MARCHF3: variants seen among roughly 807,000 people sequenced by gnomAD.
The protein encoded by MARCHF3 is E3 ubiquitin-protein ligase MARCHF3.
Under a neutral mutation model 24.2 loss-of-function variants are expected in MARCHF3, and 13 were observed. That is an observed-to-expected ratio of 0.54 (90% CI 0.35 to 0.85). MARCHF3 has a LOEUF of 0.85. Among genes scored for constraint, MARCHF3 ranks in the 40% least tolerant of loss-of-function variants. MARCHF3 has a pLI of 0.01. For missense variants in MARCHF3, 276 were observed against 325.0 expected (o/e 0.85, Z 1.16); for synonymous variants, 144 against 137.3 (o/e 1.05, Z -0.34).
At chr5:126,962,860 TAA>T (rs1353224093) in intron 1 of MARCHF3, among the ~76,000 whole-genome samples, 3 of 151,834 alleles carry the variant, frequency 2.0e-5, no homozygotes, top group Non-Finnish European at 2.9e-5. Flanking sequence ...TGTGTGTGTA[TAA>T]CTATATGTTT....
At chr5:126,992,589 GAAAT>G (rs1194176808) in intron 1 of MARCHF3, among the ~76,000 whole-genome samples, 1 of 152,084 alleles carries the variant, frequency 6.6e-6, no homozygotes, top group Non-Finnish European at 1.5e-5. Context: ...CTACTACGTA[GAAAT>G]TACGTAGTAC....
chr5:127,024,159 A>T (rs1056398769), intron 1 of MARCHF3, among the ~76,000 whole-genome samples: 3 of 152,226 alleles, frequency 2.0e-5, no homozygotes, highest in Non-Finnish European at 4.4e-5. Flanking sequence ...GAAATGAAAC[A>T]GAGGGACTTT....
intron 1 of MARCHF3, among the ~76,000 whole-genome samples, chr5:126,978,813 A>T (rs1561456454): frequency 1.3e-5 from 2 of 152,176 alleles, no homozygotes; most frequent in Non-Finnish European, 2.9e-5. Context: ...CCAGTGAGGA[A>T]CTACATGGAG....
intron 3 of MARCHF3, among the ~76,000 whole-genome samples, chr5:126,901,670 G>C (rs1754110067): frequency 6.6e-6 from 1 of 152,122 alleles, no homozygotes. Context: ...CTTGTGGAGG[G>C]CTGGCAGGAG....
intron 1 of MARCHF3, among the ~76,000 whole-genome samples, chr5:126,927,403 A>T: frequency 6.6e-6 from 1 of 150,434 alleles, no homozygotes; most frequent in South Asian, 2.1e-4. Context: ...GAACCTCTTT[A>T]GGGAACCTCT....
chr5:127,008,452 T>C (rs1328291201), intron 1 of MARCHF3, among the ~76,000 whole-genome samples: 1 of 152,176 alleles, frequency 6.6e-6, no homozygotes, highest in Non-Finnish European at 1.5e-5. Flanking sequence ...CCACTCAGAA[T>C]TGGGAGAACT....
At chr5:126,945,931 G>A (rs555107809) in intron 1 of MARCHF3, among the ~76,000 whole-genome samples, 63 of 152,340 alleles carry the variant, frequency 4.1e-4, no homozygotes, top group Non-Finnish European at 7.2e-4. Context: ...CCACAGAGCA[G>A]ATGTACACAT....
At chr5:126,890,556 C>G (rs377327498) in intron 3 of MARCHF3, among the ~76,000 whole-genome samples, 7 of 151,028 alleles carry the variant, frequency 4.6e-5, no homozygotes, top group African/African-American at 9.8e-5. Context: ...TTTGTTCTTG[C>G]GATAGTTTAC....
chr5:126,944,647 T>A (rs1749948950), intron 1 of MARCHF3, among the ~76,000 whole-genome samples: 1 of 152,140 alleles, frequency 6.6e-6, no homozygotes, highest in South Asian at 2.1e-4. Context: ...CCTGAAGAGG[T>A]ATGTTGACAT....
intron 1 of MARCHF3, among the ~76,000 whole-genome samples, chr5:126,992,539 G>C (rs1052601039): frequency 6.6e-6 from 1 of 152,102 alleles, no homozygotes; most frequent in Non-Finnish European, 1.5e-5. Context: ...TTGTGCCCGT[G>C]GCTGAATGTC....
At chr5:126,873,042 C>T (rs1366966711) in intron 4 of MARCHF3, among the ~76,000 whole-genome samples, 1 of 152,128 alleles carries the variant, frequency 6.6e-6, no homozygotes, top group Non-Finnish European at 1.5e-5. Flanking sequence ...AATCTGGGAA[C>T]ATTACGGGAA....
intron 2 of MARCHF3, among the ~76,000 whole-genome samples, chr5:126,917,072 G>A (rs1341437696): frequency 1.3e-5 from 2 of 152,192 alleles, no homozygotes; most frequent in African/African-American, 4.8e-5. Flanking sequence ...CTGCACCAGA[G>A]GGGTTGACTG....
At chr5:126,957,760 T>G (rs185455652) in intron 1 of MARCHF3, among the ~76,000 whole-genome samples, 5 of 152,282 alleles carry the variant, frequency 3.3e-5, no homozygotes, top group African/African-American at 1.2e-4. Context: ...ATTACTGTGC[T>G]CAGATTTTAC....
chr5:126,949,542 T>C (rs1015410760), intron 1 of MARCHF3, among the ~76,000 whole-genome samples: 3 of 152,110 alleles, frequency 2.0e-5, no homozygotes, highest in Admixed American at 6.5e-5. Context: ...AAAAGGAAAA[T>C]ACTCCATCTC....
intron 1 of MARCHF3, 38 bp downstream of exon 1, chr5:127,030,312 G>C (rs901264930): frequency 5.9e-5 from 9 of 152,210 alleles, no homozygotes; most frequent in African/African-American, 1.9e-4. Context: ...GCCGAACCGC[G>C]CCGAGAGGAG....
In MARCHF3 at chr5:126,869,043, G is replaced by A. The variant is rs937109773; in HGVS notation, c.*1590C>T. On this transcript the variant is annotated 3_prime_UTR_variant, in exon 5 of 5. Transcript: ENST00000308660. ...AAGCACATCTGAGTTTTGCAGCGGAGAGCAGTACAGCTGTTTCCCTCCCCA... is the reference window on the plus strand; with the variant it reads ...AAGCACATCTGAGTTTTGCAGCGGAAAGCAGTACAGCTGTTTCCCTCCCCA... 5 of 152,210 alleles carry A rather than the reference G, an allele frequency of 3.3e-5. No homozygotes were observed. The highest frequency in any genetic ancestry group is 7.3e-5 in the Non-Finnish European group (5 of 68,066). The allele number at this position is 152,210 out of a possible 1,614,324, so 9.4% of individuals were successfully genotyped here. A position where few individuals can be genotyped will look rare whatever the true frequency, so the allele number is the denominator to read the frequency against.
chr5:126,992,203 C>T (rs1255522317), intron 1 of MARCHF3, among the ~76,000 whole-genome samples: 4 of 152,118 alleles, frequency 2.6e-5, no homozygotes, highest in East Asian at 3.9e-4. Context: ...ATCTGTAGCT[C>T]GAAACAAAAC....
intron 1 of MARCHF3, among the ~76,000 whole-genome samples, chr5:126,946,782 G>GTGTGTGTGTGTGTGTC: frequency 6.6e-6 from 1 of 151,126 alleles, no homozygotes; most frequent in South Asian, 2.1e-4. Flanking sequence ...GTGTGTGTGT[G>GTGTGTGTGTGTGTGTC]TGTGTGTGTG....
chr5:126,918,083 C>T lies in MARCHF3; in HGVS notation c.89G>A (p.Cys30Tyr). ...AAPVVKTVED[C>Y]GSLVNGQPQY... ...CGGCTGCCCATTCACTAGGCTGCCA[C>T]AATCCTCCACCGTCTTCACCACGGG... Residue 30 changes from cysteine (C) to tyrosine (Y), a missense_variant, in exon 2 of 5, where the codon TGT (cysteine) becomes TAT (tyrosine). By Grantham distance (194) the Cys-to-Tyr change is radical (BLOSUM62 -2). Transcript: ENST00000308660. The T allele has an allele frequency of 1.2e-6, 2 of 1,614,182 alleles. No homozygotes were observed. Among genetic ancestry groups the T allele is most frequent in the Non-Finnish European group, 1.7e-6 (2 of 1,180,042 alleles).
Sources: gnomAD v4.1 joint callset for allele counts (sites outside exome capture counted in the v4.1 genomes callset) on GRCh38, gnomAD v4.1.1 for gene constraint, MANE v1.5 for transcripts, NCBI Gene and HGNC (gene_info 2026-07-23, HGNC 2026-07-21) for gene names.